RALY: variants seen among roughly 807,000 people sequenced by gnomAD.
RALY encodes RALY heterogeneous nuclear ribonucleoprotein, also known as RNA-binding protein Raly.
In RALY, 15 loss-of-function variants were observed where a neutral mutation model predicts 30.7. The observed-to-expected ratio is 0.49, with a 90% confidence interval of 0.33 to 0.75. The LOEUF is 0.75. RALY is among the 30% of genes least tolerant of loss of function. RALY has a pLI of 0.02. For synonymous variants in RALY, 177 were observed against 170.8 expected (o/e 1.04, Z -0.28); for missense variants, 339 against 414.3 (o/e 0.82, Z 1.58).
At chr20:34,025,205 G>A (rs2031972937) in intron 1 of RALY, among the ~76,000 whole-genome samples, 2 of 152,166 alleles carry the variant, frequency 1.3e-5, no homozygotes, top group Admixed American at 1.3e-4. Flanking sequence ...GCTGCTCACT[G>A]GTGCCTTGGT....
intron 2 of RALY, among the ~76,000 whole-genome samples, chr20:34,049,914 A>G (rs2033019207): frequency 6.6e-6 from 1 of 152,210 alleles, no homozygotes; most frequent in Non-Finnish European, 1.5e-5. Flanking sequence ...CCCTTTTCAC[A>G]GTCACCAGAA....
At chr20:34,004,006 T>G (rs1265137878) in intron 1 of RALY, among the ~76,000 whole-genome samples, 1 of 152,162 alleles carries the variant, frequency 6.6e-6, no homozygotes, top group Non-Finnish European at 1.5e-5. Context: ...TTGTTCTGTG[T>G]TGTTGTAAAT....
chr20:34,069,772 A>G (rs1226776195), intron 2 of RALY, among the ~76,000 whole-genome samples: 1 of 152,178 alleles, frequency 6.6e-6, no homozygotes, highest in African/African-American at 2.4e-5. Flanking sequence ...ACTGCCTGAT[A>G]AGTGTAGATG....
intron 2 of RALY, among the ~76,000 whole-genome samples, chr20:34,037,347 G>T (rs146380043): frequency 4.8e-4 from 73 of 152,312 alleles, no homozygotes; most frequent in African/African-American, 1.7e-3. Context: ...CACATGGCAA[G>T]CCAGGGCCTC....
At chr20:34,071,940 C>A in intron 2 of RALY, 126 bp from the exon 3 acceptor site, 1 of 1,066,366 alleles carries the variant, frequency 9.4e-7, no homozygotes, top group Non-Finnish European at 1.3e-6. Flanking sequence ...GATGCAGGAA[C>A]AGGTAGGCTG....
intron 1 of RALY, among the ~76,000 whole-genome samples, chr20:34,018,277 T>G (rs965663342): frequency 3.9e-5 from 6 of 152,224 alleles, no homozygotes; most frequent in Non-Finnish European, 7.3e-5. Context: ...AAGTACCAAC[T>G]GAAACTTATT....
intron 6 of RALY, among the ~76,000 whole-genome samples, 199 bp from the exon 7 acceptor site, chr20:34,076,503 C>T (rs896762343): frequency 1.2e-4 from 19 of 152,176 alleles, no homozygotes; most frequent in African/African-American, 4.6e-4. Flanking sequence ...AAAAGATAGC[C>T]AGGTTCAGAA....
At chr20:34,078,282 ACC>A (rs1386476138) in intron 8 of RALY, among the ~76,000 whole-genome samples, 1 of 151,868 alleles carries the variant, frequency 6.6e-6, no homozygotes, top group Non-Finnish European at 1.5e-5. Context: ...CTCCCAGAAC[ACC>A]CTTCACTGGC....
chr20:34,032,468 A>G (rs757050815), intron 2 of RALY, among the ~76,000 whole-genome samples: 1 of 151,870 alleles, frequency 6.6e-6, no homozygotes. Context: ...AGAACTTACT[A>G]TGTTACTGAT....
chr20:33,998,296 A>G (rs553577920), intron 1 of RALY, among the ~76,000 whole-genome samples: 13 of 152,204 alleles, frequency 8.5e-5, no homozygotes, highest in Non-Finnish European at 1.3e-4. Flanking sequence ...AAGGCTTTTT[A>G]GGAGGAGAAG....
intron 2 of RALY, among the ~76,000 whole-genome samples, chr20:34,032,509 T>A (rs1256968138): frequency 2.6e-4 from 3 of 11,536 alleles, no homozygotes; most frequent in Admixed American, 7.1e-4. Flanking sequence ...TTTTTGTGTG[T>A]TGGGGGGGGT....
intron 2 of RALY, among the ~76,000 whole-genome samples, chr20:34,058,874 C>T (rs1418133168): frequency 6.6e-6 from 1 of 152,124 alleles, no homozygotes. Flanking sequence ...GAACTTGATT[C>T]TTTATGGTGG....
rs189323823 is a variant in RALY, at chr20:34,027,456, G to C, written c.-92-4066G>C. Among the ~76,000 whole-genome samples, 842 of 152,334 alleles carry C rather than the reference G, an allele frequency of 5.5e-3. 3 individuals are homozygous for C. Among genetic ancestry groups the C allele is most frequent in the Non-Finnish European group, 9.5e-3 (648 of 68,034 alleles). Reference sequence around the variant, plus strand: ...TGTCTTTCTGTCACCTTGCATCAAGGCCTGGCTTAAATCTTTGCTTCTTCT... The same window carrying C: ...TGTCTTTCTGTCACCTTGCATCAAGCCCTGGCTTAAATCTTTGCTTCTTCT... On this transcript the variant is annotated intron_variant, in intron 1 of 9. Coordinates refer to ENST00000246194, the MANE Select transcript of RALY (RefSeq NM_016732.3).
intron 2 of RALY, among the ~76,000 whole-genome samples, chr20:34,048,219 C>T (rs535041066): frequency 1.1e-4 from 16 of 152,260 alleles, no homozygotes; most frequent in African/African-American, 3.1e-4. Flanking sequence ...TGCTCACCTA[C>T]GATTTATTCT....
intron 1 of RALY, among the ~76,000 whole-genome samples, chr20:34,025,576 T>C (rs559128189): frequency 6.6e-6 from 1 of 152,134 alleles, no homozygotes; most frequent in East Asian, 1.9e-4. Flanking sequence ...AGTGCTGGGA[T>C]AACAGGCGTG....
intron 2 of RALY, among the ~76,000 whole-genome samples, chr20:34,062,846 A>T (rs2033456994): frequency 6.6e-6 from 1 of 152,192 alleles, no homozygotes; most frequent in African/African-American, 2.4e-5. Flanking sequence ...TGAGGAGCCA[A>T]CTCTTAAGGC....
chr20:34,054,807 G>A (rs1188651347), intron 2 of RALY, among the ~76,000 whole-genome samples: 1 of 146,330 alleles, frequency 6.8e-6, no homozygotes, highest in Admixed American at 6.7e-5. Flanking sequence ...GACAGAATGA[G>A]ACTGTCTCAA....
chr20:34,046,558 G>A (rs1424570401), intron 2 of RALY, among the ~76,000 whole-genome samples: 1 of 152,166 alleles, frequency 6.6e-6, no homozygotes, highest in Non-Finnish European at 1.5e-5. Flanking sequence ...ACATTTCTTG[G>A]GAGGGTTTCT....
chr20:34,008,252 G>T (rs1043671932), intron 1 of RALY, among the ~76,000 whole-genome samples: 1 of 152,048 alleles, frequency 6.6e-6, no homozygotes, highest in African/African-American at 2.4e-5. Context: ...CTTGTGTTTG[G>T]CAAAGGTGTT....
Sources: allele counts gnomAD v4.1 joint callset (sites outside exome capture counted in the v4.1 genomes callset), GRCh38; gene constraint gnomAD v4.1.1; transcripts MANE v1.5; gene names NCBI Gene and HGNC (gene_info 2026-07-23, HGNC 2026-07-21).